The following NARS2 variants were observed in gnomAD, a reference collection of about 807,000 sequenced individuals.
NARS2 encodes the protein asparaginyl-tRNA synthetase 2, mitochondrial, also known as asparaginyl-tRNA synthetase.
A neutral mutation model predicts 62.9 loss-of-function variants in NARS2; 60 were observed. The ratio of observed to expected loss-of-function variants is 0.95; its 90% CI spans 0.77 to 1.18. The LOEUF (loss-of-function observed/expected upper bound fraction) is 1.18. NARS2 is among the 50% of genes most tolerant of loss of function. The probability of loss-of-function intolerance (pLI) is 0.00; values close to 1 mark genes in which losing one functional copy is unlikely to be tolerated. For missense variants in NARS2, 619 were observed against 576.4 expected (o/e 1.07, Z -0.76); for synonymous variants, 196 against 200.0 (o/e 0.98, Z 0.17).
intron 5 of NARS2, among the ~76,000 whole-genome samples, chr11:78,550,764 C>T (rs1435636866): frequency 6.6e-6 from 1 of 152,134 alleles, no homozygotes; most frequent in Non-Finnish European, 1.5e-5. Context: ...TAAATTCATC[C>T]ACACAAAAAC....
intron 6 of NARS2, among the ~76,000 whole-genome samples, chr11:78,507,443 C>T (rs958760133): frequency 2.0e-5 from 3 of 151,938 alleles, no homozygotes; most frequent in African/African-American, 7.3e-5. Flanking sequence ...AAACAGCAAG[C>T]CCTGGGGAAG....
intron 7 of NARS2, 135 bp downstream of exon 7, chr11:78,492,928 A>G (rs536610584): frequency 3.0e-5 from 21 of 688,678 alleles, no homozygotes; most frequent in Admixed American, 1.7e-4. Flanking sequence ...AAGGCATTCA[A>G]TAAGTGTTTA....
At chr11:78,492,140 T>C (rs879771621) in intron 7 of NARS2, among the ~76,000 whole-genome samples, 13 of 140,198 alleles carry the variant, frequency 9.3e-5, no homozygotes, top group Middle Eastern at 7.4e-3. Context: ...CACACATATA[T>C]AGATTTTATC....
intron 6 of NARS2, among the ~76,000 whole-genome samples, chr11:78,526,457 AT>A (rs774769017): frequency 1.1e-4 from 17 of 152,278 alleles, no homozygotes; most frequent in Non-Finnish European, 2.2e-4. Flanking sequence ...GTTAAATTGA[AT>A]TCAAGAAAAA....
chr11:78,542,965 A>G (rs558763337), intron 5 of NARS2, among the ~76,000 whole-genome samples: 5 of 152,328 alleles, frequency 3.3e-5, no homozygotes, highest in Non-Finnish European at 7.4e-5. Flanking sequence ...AAGTTAAGTT[A>G]TTGATAACTG....
intron 7 of NARS2, among the ~76,000 whole-genome samples, chr11:78,481,057 G>A (rs1176688366): frequency 2.0e-5 from 3 of 152,134 alleles, no homozygotes; most frequent in Non-Finnish European, 4.4e-5. Flanking sequence ...CTGGCCTCAA[G>A]TGATCCACCT....
rs10688131 is a variant in NARS2 at position 78,544,018 on chromosome 11, CAAAAA to C, written c.595-15087_595-15083del. On this transcript the variant is annotated intron_variant, in intron 5 of 13. Coordinates refer to ENST00000281038, the MANE Select transcript of NARS2 (RefSeq NM_024678.6). ...CTGGCAACAGAGTAAGACTCTGTCT[CAAAAA>C]AAAAAAAAAAAAAAAAACTCTCTCT... is the stretch of plus-strand genomic sequence containing the variant. 1.6e-4 allele frequency among the ~76,000 whole-genome samples: 12 copies of C among 73,924 alleles called. No homozygotes were observed. The South Asian group carries it at 7.6e-3, about 47-fold the overall frequency. The allele number at this position is 73,924 out of a possible 152,430, so 48.5% of individuals were successfully genotyped here.
At chr11:78,552,051 A>T (rs1381339903) in intron 5 of NARS2, among the ~76,000 whole-genome samples, 2 of 152,136 alleles carry the variant, frequency 1.3e-5, no homozygotes, top group African/African-American at 4.8e-5. Context: ...CTGTTACATA[A>T]ACACGTGTCA....
intron 7 of NARS2, among the ~76,000 whole-genome samples, chr11:78,480,704 G>T (rs571094879): frequency 1.4e-5 from 2 of 145,922 alleles, no homozygotes; most frequent in South Asian, 4.3e-4. Flanking sequence ...TGGGGGGGGT[G>T]GGAAAAAAGA....
intron 5 of NARS2, among the ~76,000 whole-genome samples, chr11:78,545,916 C>T (rs1855857052): frequency 6.6e-6 from 1 of 152,172 alleles, no homozygotes; most frequent in Non-Finnish European, 1.5e-5. Flanking sequence ...CTCTCCCTAA[C>T]CTTTTTCCCA....
intron 11 of NARS2, among the ~76,000 whole-genome samples, chr11:78,446,453 C>T (rs940655972): frequency 5.3e-5 from 8 of 152,162 alleles, no homozygotes; most frequent in African/African-American, 1.9e-4. Flanking sequence ...ATCTTTATTT[C>T]CTGGTGTCTT....
At chr11:78,465,297 C>T (rs556091377) in intron 11 of NARS2, among the ~76,000 whole-genome samples, 1 of 152,374 alleles carries the variant, frequency 6.6e-6, no homozygotes, top group East Asian at 1.9e-4. Flanking sequence ...TCCACACCAC[C>T]CCACAAGCTG....
chr11:78,534,549 A>G (rs1240785176), intron 5 of NARS2, among the ~76,000 whole-genome samples: 3 of 152,224 alleles, frequency 2.0e-5, no homozygotes, highest in African/African-American at 4.8e-5. Context: ...TAATGAGTGA[A>G]TAAATCAGAA....
chr11:78,530,031 T>C (rs190215896), intron 5 of NARS2, among the ~76,000 whole-genome samples: 1 of 152,328 alleles, frequency 6.6e-6, no homozygotes, highest in African/African-American at 2.4e-5. Context: ...GCATATCATG[T>C]ATCGGTATCT....
intron 6 of NARS2, among the ~76,000 whole-genome samples, chr11:78,525,733 AGAGT>A (rs975020749): frequency 2.4e-4 from 37 of 152,190 alleles, no homozygotes; most frequent in African/African-American, 8.9e-4. Context: ...TCCAAAAATT[AGAGT>A]AAGAAAAGGG....
chr11:78,569,213 T>C (rs1385424587), intron 2 of NARS2, among the ~76,000 whole-genome samples: 1 of 152,228 alleles, frequency 6.6e-6, no homozygotes, highest in Non-Finnish European at 1.5e-5. Context: ...CGAGTTCAAG[T>C]TCTCCCATAG....
intron 5 of NARS2, among the ~76,000 whole-genome samples, chr11:78,529,287 G>C (rs1029804333): frequency 6.6e-6 from 1 of 152,176 alleles, no homozygotes; most frequent in Non-Finnish European, 1.5e-5. Context: ...AACCTCAAAA[G>C]GTTGACTTAT....
rs1859215968 is a variant in NARS2 at position 78,478,671 on chromosome 11, G to A, written c.835C>T (p.Leu279=). 2 of 1,605,608 alleles carry A rather than the reference G, an allele frequency of 1.2e-6. No individual in the cohort carries two copies. Among genetic ancestry groups the A allele is most frequent in the Non-Finnish European group, 1.7e-6 (2 of 1,174,704 alleles). ...ACCATCATTGTTGTAGCCTTGAACA[G>A]TTCCTCTATAACCTAAGAGAAATGA... ...LQDLMQVIEE[L]FKATTMMVLS... Residue 279 remains leucine (L), a synonymous_variant, in exon 8 of 14, where the codon CTG becomes TTG. Coordinates refer to ENST00000281038, the MANE Select transcript of NARS2 (RefSeq NM_024678.6).
intron 6 of NARS2, among the ~76,000 whole-genome samples, chr11:78,493,486 A>G (rs144245126): frequency 6.6e-6 from 1 of 152,208 alleles, no homozygotes; most frequent in Non-Finnish European, 1.5e-5. Flanking sequence ...GTGAAAATTT[A>G]TCTCTACAAA....
Sources: allele counts gnomAD v4.1 joint callset (sites outside exome capture counted in the v4.1 genomes callset), GRCh38; gene constraint gnomAD v4.1.1; transcripts MANE v1.5; gene names NCBI Gene and HGNC (gene_info 2026-07-23, HGNC 2026-07-21).